Variants in LRRK2 observed in about 807,000 individuals in gnomAD.
LRRK2 encodes leucine-rich repeat serine/threonine-protein kinase 2.
LRRK2 carries 203 observed loss-of-function variants against 302.6 expected under a neutral mutation model. The observed-to-expected ratio is 0.67, with a 90% CI of 0.60 to 0.75. The LOEUF (loss-of-function observed/expected upper bound fraction) is 0.75. LRRK2 is among the 30% of genes least tolerant of loss of function. The probability of loss-of-function intolerance (pLI) is 0.00; values close to 1 mark genes in which losing one functional copy is unlikely to be tolerated. For missense variants in LRRK2, 2,830 were observed against 2,951.0 expected, an observed-to-expected ratio of 0.96 and a Z score of 0.95; for synonymous variants, 1,066 against 1,031.9, an observed-to-expected ratio of 1.03 and a Z score of -0.63.
At chr12:40,272,260 A>G (rs1346166768) in intron 14 of LRRK2, among the ~76,000 whole-genome samples, 3 of 152,188 alleles carry the variant, frequency 2.0e-5, no homozygotes, top group East Asian at 3.8e-4. Flanking sequence ...GTTCAGAATG[A>G]CAATCTGACT....
In LRRK2 at chr12:40,287,535, T is replaced by G; in HGVS notation, c.2685T>G (p.Ser895Arg). Reference protein sequence around the residue: ...SVFAQSDDLDSEGSEGSFLVK... With the variant: ...SVFAQSDDLDREGSEGSFLVK... Reference sequence around the variant, plus strand: ...TTGCTCAAAGTGATGACCTGGATAGTGAAGGTATTTATTATAAAAAAAAAC... The same window carrying G: ...TTGCTCAAAGTGATGACCTGGATAGGGAAGGTATTTATTATAAAAAAAAAC... The change falls in exon 20 of 51, where the codon AGT (serine) becomes AGG (arginine). Residue 895 changes from serine to arginine, a missense_variant. Transcript: ENST00000298910. 4 of 1,610,856 alleles carry G rather than the reference T, an allele frequency of 2.5e-6. No homozygotes were observed. The highest frequency in any genetic ancestry group is 1.7e-5 in the Admixed American group (1 of 59,518).
At chr12:40,327,390 C>T (rs1249976370) in intron 38 of LRRK2, among the ~76,000 whole-genome samples, 3 of 152,150 alleles carry the variant, frequency 2.0e-5, no homozygotes, top group Non-Finnish European at 4.4e-5. Flanking sequence ...ATCTAATGAC[C>T]ATTTCCTCCT....
At chr12:40,307,523 GTTTATA>G (rs903131340) in intron 28 of LRRK2, among the ~76,000 whole-genome samples, 1 of 151,730 alleles carries the variant, frequency 6.6e-6, no homozygotes, top group Non-Finnish European at 1.5e-5. Flanking sequence ...TAGTATAATA[GTTTATA>G]TTTATTTATG....
chr12:40,352,825 G>T (rs1946396603), intron 44 of LRRK2, among the ~76,000 whole-genome samples: 1 of 152,036 alleles, frequency 6.6e-6, no homozygotes, highest in South Asian at 2.1e-4. Flanking sequence ...ATTTTTCTTA[G>T]TACAGAACAA....
intron 50 of LRRK2, chr12:40,367,395 C>T (rs571578765): frequency 5.0e-6 from 2 of 398,876 alleles, no homozygotes; most frequent in Non-Finnish European, 4.4e-6. Context: ...GCTTTTATTT[C>T]TTTTAGAATA....
intron 20 of LRRK2, among the ~76,000 whole-genome samples, chr12:40,292,583 A>T (rs1408015095): frequency 2.0e-5 from 3 of 151,732 alleles, no homozygotes; most frequent in African/African-American, 7.2e-5. Context: ...ATTCTTAAGC[A>T]TTAAAATAAT....
chr12:40,299,994 G>T (rs73102750), intron 25 of LRRK2, among the ~76,000 whole-genome samples: 4 of 152,104 alleles, frequency 2.6e-5, no homozygotes, highest in African/African-American at 9.7e-5. Context: ...CTACTGTGTA[G>T]TACCCTGTGG....
rs989570613 is a variant in LRRK2, at chr12:40,251,277, A to G, written c.1004A>G (p.Asn335Ser). 1 of 1,611,188 alleles carries G rather than the reference A, an allele frequency of 6.2e-7. No individual in the cohort carries two copies. The highest frequency in any genetic ancestry group is 8.5e-7 in the Non-Finnish European group (1 of 1,178,082). ...CAAGATTTAGAGGAAAAGAATGAGA[A>G]TCAAGAGAATGATGATGAGGGGGAA... ...LNQDLEEKNE[N>S]QENDDEGEED... The change falls in exon 9 of 51, where the codon AAT (asparagine) becomes AGT (serine). Residue 335 changes from asparagine (N) to serine (S), a missense_variant. By Grantham distance (46) the Asn-to-Ser change is conservative. Transcript: ENST00000298910.
chr12:40,323,206 A>G lies in LRRK2; in HGVS notation c.5556A>G (p.Ile1852Met). ...NPDQPRLTIP[I>M]SQIAPDLILA... ...ATCAACCAAGGCTCACCATTCCAATATCTCAGATTGCCCCTGACTTGATTT... is the reference window on the plus strand; with the variant it reads ...ATCAACCAAGGCTCACCATTCCAATGTCTCAGATTGCCCCTGACTTGATTT... The change falls in exon 38 of 51, where the codon ATA becomes ATG. Residue 1852 changes from isoleucine to methionine, a missense_variant. Transcript: ENST00000298910. 1.2e-6 allele frequency: 2 copies of G among 1,613,304 alleles called. No homozygotes were observed. The highest frequency in any genetic ancestry group is 8.5e-7 in the Non-Finnish European group (1 of 1,179,426).
rs189480416 is a variant in LRRK2 at position 40,258,773 on chromosome 12, G to A, written c.1419-707G>A. ...CCAATGGAGGGATGTGTTTAAACTG[G>A]GACTTTAAGTTGGAAAAGAAGGAAT... On this transcript the variant is annotated intron_variant, in intron 12 of 50. Transcript: ENST00000298910. Among the ~76,000 whole-genome samples the A allele has an allele frequency of 2.8e-3, 428 of 152,220 alleles. 11 individuals carry two copies. Among genetic ancestry groups the A allele is most frequent in the Admixed American group, 0.026 (401 of 15,282 alleles).
At position 40,251,234 on chromosome 12, in the gene LRRK2, G is replaced by A; in HGVS notation, c.961G>A (p.Glu321Lys). 6.4e-7 allele frequency: 1 copy of A among 1,572,500 alleles called. No homozygotes were observed. The highest frequency in any genetic ancestry group is 8.7e-7 in the Non-Finnish European group (1 of 1,152,110). Residue 321 changes from glutamate (E) to lysine (K), a missense_variant and splice_region_variant, in exon 9 of 51, where the codon GAG becomes AAG. Physicochemically the swap from Glu to Lys is moderately conservative, Grantham distance 56. Transcript: ENST00000298910. ...SALSCLALLT[E>K]TIFLNQDLEE... ...TATATTTTTCAATTTTTTTCAAGCT[G>A]AGACTATTTTCTTAAATCAAGATTT...
intron 43 of LRRK2, 81 bp from the exon 44 acceptor site, chr12:40,351,458 A>G (rs1946348271): frequency 1.4e-6 from 2 of 1,379,318 alleles, no homozygotes; most frequent in African/African-American, 1.4e-5. Flanking sequence ...CAGAGCTATA[A>G]CACTTCAGTC....
In LRRK2 at chr12:40,321,139, A is replaced by G; in HGVS notation, c.5121A>G (p.Arg1707=). ...MPYFPMGFWS[R]LINRLLEISP... is the part of the protein sequence containing the mutation. ...ATTTTCCAATGGGATTTTGGTCAAG[A>G]TTAATCAATCGATTACTTGAGATTT... Residue 1707 remains arginine (R), a synonymous_variant, in exon 35 of 51, where the codon AGA becomes AGG. Transcript: ENST00000298910. 1 of 1,612,848 alleles carries G rather than the reference A, an allele frequency of 6.2e-7. No homozygotes were observed. Among genetic ancestry groups the G allele is most frequent in the Non-Finnish European group, 8.5e-7 (1 of 1,179,004 alleles).
intron 33 of LRRK2, chr12:40,316,389 G>C: frequency 1.0e-6 from 1 of 954,584 alleles, no homozygotes; most frequent in Non-Finnish European, 1.2e-6. Context: ...CAGTGTGTCA[G>C]TTATTACTAT....
Position 40,308,418 on chromosome 12 carries a change from G to C in LRRK2, c.3960-49G>C, listed in dbSNP as rs1592266088. ...GTAAAAGAACTCACCTAAATCTCAA[G>C]TATACTTTTAAGCAGTTTATTATTT... On this transcript the variant is annotated intron_variant, in intron 28 of 50. Coordinates refer to ENST00000298910, the MANE Select transcript of LRRK2 (RefSeq NM_198578.4). 3 of 1,437,254 alleles carry C rather than the reference G, an allele frequency of 2.1e-6. No individual in the cohort carries two copies. In the East Asian group the frequency reaches 7.1e-5, roughly 34 times the overall value. The allele number at this position is 1,437,254 out of a possible 1,614,324, so 89.0% of individuals were successfully genotyped here.
chr12:40,302,520 T>C (rs966940758), intron 25 of LRRK2, among the ~76,000 whole-genome samples: 9 of 152,174 alleles, frequency 5.9e-5, no homozygotes, highest in African/African-American at 2.2e-4. Context: ...AATTTTTACT[T>C]TGTACAAATG....
rs1946834629 is a variant in LRRK2 at position 40,365,007 on chromosome 12, C to T, written c.7347C>T (p.Tyr2449=). 6.2e-7 allele frequency: 1 copy of T among 1,612,528 alleles called. No individual in the cohort carries two copies. Among genetic ancestry groups the T allele is most frequent in the Non-Finnish European group, 8.5e-7 (1 of 1,178,990 alleles). The change falls in exon 49 of 51, where the codon TAC becomes TAT. Residue 2449 remains tyrosine, a synonymous_variant. Coordinates refer to ENST00000298910, the MANE Select transcript of LRRK2 (RefSeq NM_198578.4). ...CTCGTCGACTTATACGTGTAATTTA[C>T]AACTTTTGTAATTCGGTCAGAGTCA... ...LSTRRLIRVI[Y]NFCNSVRVMM... is the part of the protein sequence containing the mutation.
intron 14 of LRRK2, among the ~76,000 whole-genome samples, chr12:40,270,863 T>C (rs1315789377): frequency 6.6e-6 from 1 of 152,112 alleles, no homozygotes; most frequent in Non-Finnish European, 1.5e-5. Flanking sequence ...AAATACCAAT[T>C]TGATATAATT....
In LRRK2 at chr12:40,294,839, T is replaced by A. The variant is rs1406622009; in HGVS notation, c.2809-6T>A. ...AGCAATTTTATTATAAATTATTTTT[T>A]AATAGGGGCCCATTTTTGATCATGA... is the stretch of plus-strand genomic sequence containing the variant. On this transcript the variant is annotated splice_polypyrimidine_tract_variant and splice_region_variant and intron_variant, in intron 21 of 50. Transcript: ENST00000298910. 6.7e-7 allele frequency: 1 copy of A among 1,491,734 alleles called. No homozygotes were observed. Among genetic ancestry groups the A allele is most frequent in the African/African-American group, 1.4e-5 (1 of 72,586 alleles). The allele number at this position is 1,491,734 out of a possible 1,614,324, so 92.4% of individuals were successfully genotyped here.
Sources: gnomAD v4.1 joint callset for allele counts (sites outside exome capture counted in the v4.1 genomes callset) on GRCh38, gnomAD v4.1.1 for gene constraint, MANE v1.5 for transcripts, NCBI Gene and HGNC (gene_info 2026-07-23, HGNC 2026-07-21) for gene names.